Variants in LAMA1 observed in about 807,000 individuals in gnomAD.
The protein encoded by LAMA1 is laminin subunit alpha 1.
Under a neutral mutation model 348.7 loss-of-function variants are expected in LAMA1, and 219 were observed. The ratio of observed to expected loss-of-function variants is 0.63; its 90% CI spans 0.56 to 0.70. The LOEUF is 0.70. LAMA1 is among the 30% of genes least tolerant of loss of function. The pLI, the probability that LAMA1 is intolerant of heterozygous loss-of-function variation, is 0.00. For missense variants in LAMA1, 3,744 were observed against 3,888.0 expected (o/e 0.96, Z 0.99); for synonymous variants, 1,487 against 1,491.0 (o/e 1.00, Z 0.06).
intron 10 of LAMA1, among the ~76,000 whole-genome samples, chr18:7,039,416 C>G (rs547626714): frequency 2.3e-4 from 35 of 152,138 alleles, no homozygotes; most frequent in African/African-American, 7.7e-4. Context: ...CAAATAAAAC[C>G]CCTCACTGGC....
At chr18:7,011,574 C>T in intron 24 of LAMA1, 95 bp from the exon 25 acceptor site, 2 of 1,159,148 alleles carry the variant, frequency 1.7e-6, no homozygotes, top group Non-Finnish European at 2.5e-6. Flanking sequence ...ACAGATGAAA[C>T]AGCTTCATTA....
At chr18:7,003,972 A>G (rs955743753) in intron 29 of LAMA1, among the ~76,000 whole-genome samples, 4 of 152,224 alleles carry the variant, frequency 2.6e-5, no homozygotes, top group Non-Finnish European at 5.9e-5. Context: ...CTTGAAAAGT[A>G]AAAGTGTTAA....
chr18:7,075,889 A>T (rs1366115575), intron 3 of LAMA1, among the ~76,000 whole-genome samples: 1 of 152,016 alleles, frequency 6.6e-6, no homozygotes, highest in African/African-American at 2.4e-5. Flanking sequence ...GTGAGCCGAG[A>T]TCACGCCAAT....
Position 7,012,154 on chromosome 18 carries a change from T to A in LAMA1, c.3364-16A>T. On this transcript the variant is annotated splice_polypyrimidine_tract_variant and intron_variant, in intron 23 of 62. Transcript: ENST00000389658. ...AGACATTTTCCTACAGGGGAGCAAA[T>A]AAAGGACTCGTTTTTGCCTAAAAAA... is the stretch of plus-strand genomic sequence containing the variant. 1.9e-6 allele frequency: 3 copies of A among 1,613,500 alleles called. No homozygotes were observed. Among genetic ancestry groups the A allele is most frequent in the Non-Finnish European group, 2.5e-6 (3 of 1,179,736 alleles).
Position 7,080,021 on chromosome 18 carries a change from T to C in LAMA1, c.299A>G (p.Asn100Ser). The C allele has an allele frequency of 6.2e-7, 1 of 1,614,200 alleles. No homozygotes were observed. Among genetic ancestry groups the C allele is most frequent in the Non-Finnish European group, 8.5e-7 (1 of 1,179,998 alleles). The change falls in exon 3 of 63, where the codon AAT becomes AGT. Residue 100 changes from asparagine to serine, a missense_variant. Around this residue, in one of 3 missense-constraint regions of LAMA1, gnomAD observed 1,529 missense variants for 1,689.4 expected, o/e 0.91. Transcript: ENST00000389658. ...NNWWQSPSIQ[N>S]GREYHWVTIT... ...TGTGACCCAGTGATATTCTCTCCCA[T>C]TCTGAATGCTGGGACTTTGCCACCA... is the stretch of plus-strand genomic sequence containing the variant.
intron 1 of LAMA1, among the ~76,000 whole-genome samples, chr18:7,099,863 C>A (rs149779323): frequency 0.02 from 3,017 of 151,944 alleles, 70 homozygotes; most frequent in African/African-American, 0.053. Context: ...TTGAGACCAT[C>A]CTGGCTAACA....
intron 36 of LAMA1, 81 bp downstream of exon 36, chr18:6,992,480 G>T: frequency 1.3e-6 from 2 of 1,486,824 alleles, no homozygotes; most frequent in Non-Finnish European, 1.9e-6. Flanking sequence ...TTTCTTCCAC[G>T]ATGCCTCCTT....
rs58813825 is a variant in LAMA1, at chr18:7,115,814, C to CAAAACAAAAAAAAAAAA, written c.61+1845_61+1846insTTTTTTTTTTTTGTTTT. 4.1e-4 allele frequency among the ~76,000 whole-genome samples: 39 copies of CAAAACAAAAAAAAAAAA among 94,790 alleles called. 2 individuals are homozygous for CAAAACAAAAAAAAAAAA. The highest frequency in any genetic ancestry group is 5.4e-4 in the Non-Finnish European group (25 of 46,582). 62.2% of individuals were successfully genotyped at this position (94,790 alleles called of 152,430 possible). On this transcript the variant is annotated intron_variant, in intron 1 of 62. Transcript: ENST00000389658. ...TGAAACCCTGTCTCCACTAAAAATA[C>CAAAACAAAAAAAAAAAA]AAAAAAAAAAAAAAAAAAATAGCCG...
rs781394785 is a variant in LAMA1 at position 7,050,732 on chromosome 18, A to T, written c.550T>A (p.Ser184Thr). 6.2e-6 allele frequency: 10 copies of T among 1,613,946 alleles called. No homozygotes were observed. The South Asian group carries it at 8.8e-5, about 14-fold the overall frequency. ...AGTGGCACCAATCTGGAATAATAGG[A>T]GGTGCAGATCACTTCATCATCAGCC... ...YRADDEVICTSYYSRLVPLEH... is the reference protein window; with the variant it reads ...YRADDEVICTTYYSRLVPLEH... The change falls in exon 4 of 63, where the codon TCC becomes ACC. Residue 184 changes from serine to threonine, a missense_variant. Ser to Thr is a moderately conservative substitution (Grantham distance 58, BLOSUM62 1). This residue lies in a region of LAMA1 where 1,529 missense variants were observed against 1,689.4 expected (regional missense o/e 0.91). Transcript: ENST00000389658.
chr18:7,111,590 G>A lies in LAMA1; in HGVS notation c.61+6070C>T, dbSNP rs1384657133. ...ATGCTGAAATAGCTCCCTGACAGAC[G>A]TGTTCCAACAGAACCAAAGTTCATG... is the stretch of plus-strand genomic sequence containing the variant. On this transcript the variant is annotated intron_variant, in intron 1 of 62. Coordinates refer to ENST00000389658, the MANE Select transcript of LAMA1 (RefSeq NM_005559.4). Among the ~76,000 whole-genome samples the A allele has an allele frequency of 1.4e-4, 22 of 152,128 alleles. No individual in the cohort carries two copies. In the East Asian group the frequency reaches 3.3e-3, roughly 23 times the overall value.
chr18:7,011,600 T>G, intron 24 of LAMA1, 121 bp from the exon 25 acceptor site: 1 of 1,029,992 alleles, frequency 9.7e-7, no homozygotes, highest in Non-Finnish European at 1.5e-6. Context: ...ACAGAAACAG[T>G]AAAGACTTTT....
chr18:7,101,558 T>C (rs894863814), intron 1 of LAMA1, among the ~76,000 whole-genome samples: 6 of 152,250 alleles, frequency 3.9e-5, no homozygotes, highest in Non-Finnish European at 7.3e-5. Context: ...ATCCAAGTTA[T>C]TCTCTTGTGA....
chr18:7,054,555 T>C (rs943356036), intron 3 of LAMA1, among the ~76,000 whole-genome samples: 3 of 152,244 alleles, frequency 2.0e-5, no homozygotes, highest in African/African-American at 7.2e-5. Context: ...GGGTGATTTG[T>C]TTAAAAACCA....
intron 9 of LAMA1, among the ~76,000 whole-genome samples, chr18:7,041,323 A>G (rs2058019482): frequency 6.6e-6 from 1 of 152,128 alleles, no homozygotes; most frequent in African/African-American, 2.4e-5. Context: ...TAAATGATAT[A>G]TTTTTTTAAA....
At chr18:7,096,022 C>A (rs1357251318) in intron 1 of LAMA1, among the ~76,000 whole-genome samples, 2 of 152,212 alleles carry the variant, frequency 1.3e-5, no homozygotes, top group African/African-American at 4.8e-5. Flanking sequence ...GAGCCGAGAT[C>A]GCGCCATTGC....
chr18:7,012,142 C>G lies in LAMA1; in HGVS notation c.3364-4G>C. On this transcript the variant is annotated splice_polypyrimidine_tract_variant and splice_region_variant and intron_variant, in intron 23 of 62. Coordinates refer to ENST00000389658, the MANE Select transcript of LAMA1 (RefSeq NM_005559.4). Reference sequence around the variant, plus strand: ...ACTGAGGACCAAAGACATTTTCCTACAGGGGAGCAAATAAAGGACTCGTTT... The same window carrying G: ...ACTGAGGACCAAAGACATTTTCCTAGAGGGGAGCAAATAAAGGACTCGTTT... The G allele has an allele frequency of 6.2e-7, 1 of 1,613,872 alleles. No homozygotes were observed.
intron 1 of LAMA1, among the ~76,000 whole-genome samples, chr18:7,109,067 G>A (rs1163675342): frequency 6.6e-6 from 1 of 152,170 alleles, no homozygotes; most frequent in African/African-American, 2.4e-5. Flanking sequence ...AATGGGAAAA[G>A]GTTTTTTGAA....
At chr18:7,007,776 T>G (rs1349226835) in intron 28 of LAMA1, among the ~76,000 whole-genome samples, 2 of 152,192 alleles carry the variant, frequency 1.3e-5, no homozygotes, top group Non-Finnish European at 2.9e-5. Context: ...AAATGTGGCA[T>G]GTATGTACAA....
At chr18:7,116,587 C>T (rs754502462) in intron 1 of LAMA1, among the ~76,000 whole-genome samples, 1 of 152,154 alleles carries the variant, frequency 6.6e-6, no homozygotes, top group Non-Finnish European at 1.5e-5. Context: ...CCGCCCACTA[C>T]TTTTGACTCG....
Sources: gnomAD v4.1 joint callset for allele counts (sites outside exome capture counted in the v4.1 genomes callset) on GRCh38, gnomAD v4.1.1 for gene constraint, gnomAD v4.1.1 regional missense constraint, MANE v1.5 for transcripts, NCBI Gene and HGNC (gene_info 2026-07-23, HGNC 2026-07-21) for gene names.